The following MARCHF6 variants were observed in gnomAD, a reference collection of about 807,000 sequenced individuals.
The protein encoded by MARCHF6 is membrane associated ring-CH-type finger 6.
In MARCHF6, 31 loss-of-function variants were observed where a neutral mutation model predicts 133.7. That is an observed-to-expected ratio of 0.23 (90% CI 0.17 to 0.31). The LOEUF (loss-of-function observed/expected upper bound fraction) is 0.31. Ranked by LOEUF, MARCHF6 falls within the 10% of genes least tolerant of loss-of-function variation. MARCHF6 has a pLI of 1.00. For synonymous variants in MARCHF6, 395 were observed against 402.5 expected (o/e 0.98, Z 0.22); for missense variants, 723 against 1,121.6 (o/e 0.64, Z 5.08).
At chr5:10,402,344 A>G in intron 12 of MARCHF6, 40 bp from the exon 13 acceptor site, 3 of 1,538,826 alleles carry the variant, frequency 1.9e-6, no homozygotes, top group Non-Finnish European at 2.7e-6. Flanking sequence ...GTTTCATTGT[A>G]CCTTTAAATA....
rs1277075991 is a variant in MARCHF6 at position 10,365,057 on chromosome 5, C to T, written c.19+11140C>T. The stretch of plus-strand genomic sequence containing the variant: ...ACCTCAGTTGATCTACCCACCTCAG[C>T]CTCCCAAAGTGCTGAGATTACAGGT... On this transcript the variant is annotated intron_variant, in intron 1 of 25. Transcript: ENST00000274140. Among the ~76,000 whole-genome samples the T allele has an allele frequency of 2.0e-5, 3 of 152,132 alleles. No individual in the cohort carries two copies. In the East Asian group the frequency reaches 5.8e-4, roughly 29 times the overall value.
intron 1 of MARCHF6, among the ~76,000 whole-genome samples, chr5:10,376,925 C>G (rs186884256): frequency 2.0e-5 from 3 of 152,274 alleles, no homozygotes; most frequent in Non-Finnish European, 4.4e-5. Flanking sequence ...TGCCCATTCT[C>G]CCTCCGATAG....
At chr5:10,392,200 G>A (rs1456196781) in intron 7 of MARCHF6, among the ~76,000 whole-genome samples, 7 of 152,060 alleles carry the variant, frequency 4.6e-5, no homozygotes, top group African/African-American at 1.4e-4. Flanking sequence ...CTTGTGAGCC[G>A]CCCATCTCGG....
chr5:10,426,589 C>G, intron 24 of MARCHF6, 67 bp downstream of exon 24: 2 of 1,528,668 alleles, frequency 1.3e-6, no homozygotes, highest in Non-Finnish European at 1.8e-6. Flanking sequence ...CTCTTTACCC[C>G]TAGTAAAAAG....
chr5:10,397,407 C>G, intron 10 of MARCHF6, 63 bp downstream of exon 10: 2 of 1,177,936 alleles, frequency 1.7e-6, no homozygotes, highest in Non-Finnish European at 2.4e-6. Flanking sequence ...TTTGTAGGAG[C>G]CTTGTTATAG....
In MARCHF6 at chr5:10,426,479, G is replaced by A. The variant is rs149238804; in HGVS notation, c.2463G>A (p.Leu821=). The A allele has an allele frequency of 2.5e-6, 4 of 1,614,012 alleles. No individual in the cohort carries two copies. Among genetic ancestry groups the A allele is most frequent in the African/African-American group, 2.7e-5 (2 of 74,926 alleles). Residue 821 remains leucine, a synonymous_variant, in exon 24 of 26, where the codon CTG becomes CTA. Transcript: ENST00000274140. ...TGATCTCTGTGCTGTTGCTTTCCCT[G>A]TGTGTACCTTATGTCATAGCTTCTG... ...APVISVLLLS[L]CVPYVIASGV...
rs775983865 is a variant in MARCHF6, at chr5:10,400,765, AT to A, written c.914-13del. 7 of 1,601,638 alleles carry A rather than the reference AT, an allele frequency of 4.4e-6. No homozygotes were observed. The highest frequency in any genetic ancestry group is 5.1e-6 in the Non-Finnish European group (6 of 1,169,208). Reference sequence around the variant, plus strand: ...GTTTTGATGTCGGAGTTTTCATGGAATTTTTTCCCCCTTTTTAGCATTTTGC... The same window carrying A: ...GTTTTGATGTCGGAGTTTTCATGGAATTTTTCCCCCTTTTTAGCATTTTGC... On this transcript the variant is annotated intron_variant, in intron 10 of 25. Transcript: ENST00000274140.
chr5:10,358,610 T>A (rs890104865), intron 1 of MARCHF6, among the ~76,000 whole-genome samples: 4 of 152,220 alleles, frequency 2.6e-5, no homozygotes, highest in African/African-American at 9.6e-5. Context: ...CAGTTGACTC[T>A]TGAACAACAT....
rs1434429595 is a variant in MARCHF6 at position 10,439,638 on chromosome 5, C to T, written c.*5954C>T. 1.3e-5 allele frequency: 2 copies of T among 152,176 alleles called. No individual in the cohort carries two copies. The highest frequency in any genetic ancestry group is 2.4e-5 in the African/African-American group (1 of 41,388). 9.4% of individuals were successfully genotyped at this position (152,176 alleles called of 1,614,324 possible). On this transcript the variant is annotated 3_prime_UTR_variant, in exon 26 of 26. Coordinates refer to ENST00000274140, the MANE Select transcript of MARCHF6 (RefSeq NM_005885.4). The stretch of plus-strand genomic sequence containing the variant: ...TCGCTGTTTCTCCTGAGCTTGCTGC[C>T]TCTGCCCCTGCTCTCTCTCCTTTTC...
In MARCHF6 at chr5:10,435,780, G is replaced by C. The variant is rs1453380672; in HGVS notation, c.*2096G>C. On this transcript the variant is annotated 3_prime_UTR_variant, in exon 26 of 26. Transcript: ENST00000274140. ...TGCCCAGGCTGGAGTGCAGTGGCAC[G>C]ATCCTGGTTCACTGCACCCTCTGCC... 1 of 129,254 alleles carries C rather than the reference G, an allele frequency of 7.7e-6. No individual in the cohort carries two copies. Among genetic ancestry groups the C allele is most frequent in the African/African-American group, 2.9e-5 (1 of 34,102 alleles). The allele number at this position is 129,254 out of a possible 1,614,324, so 8.0% of individuals were successfully genotyped here. A position where few individuals can be genotyped will look rare whatever the true frequency, so the allele number is the denominator to read the frequency against.
At chr5:10,397,243 A>C (rs1738246221) in intron 9 of MARCHF6, 50 bp from the exon 10 acceptor site, 1 of 1,336,750 alleles carries the variant, frequency 7.5e-7, no homozygotes, top group African/African-American at 1.5e-5. Flanking sequence ...CCAATTAAAC[A>C]TACATTAAGT....
In MARCHF6 at chr5:10,436,570, TTTTA is replaced by T. The variant is rs1217203942; in HGVS notation, c.*2890_*2893del. On this transcript the variant is annotated 3_prime_UTR_variant, in exon 26 of 26. Coordinates refer to ENST00000274140, the MANE Select transcript of MARCHF6 (RefSeq NM_005885.4). ...TTAACTAGGAAAGAAGACCTTTTTG[TTTTA>T]TTTTTACTATTTATATATAGAAGAC... is the stretch of plus-strand genomic sequence containing the variant. 1 of 152,140 alleles carries T rather than the reference TTTTA, an allele frequency of 6.6e-6. No homozygotes were observed. Among genetic ancestry groups the T allele is most frequent in the Non-Finnish European group, 1.5e-5 (1 of 68,008 alleles). 9.4% of individuals were successfully genotyped at this position (152,140 alleles called of 1,614,324 possible). A position where few individuals can be genotyped will look rare whatever the true frequency, so the allele number is the denominator to read the frequency against.
chr5:10,430,154 A>C, intron 25 of MARCHF6, 126 bp downstream of exon 25: 1 of 1,125,994 alleles, frequency 8.9e-7, no homozygotes, highest in Non-Finnish European at 1.2e-6. Flanking sequence ...TGGGATTAGC[A>C]AGGTTTGCTG....
intron 2 of MARCHF6, among the ~76,000 whole-genome samples, chr5:10,378,383 T>G (rs78563300): frequency 0.053 from 8,012 of 152,210 alleles, 709 homozygotes; most frequent in African/African-American, 0.18. Context: ...AACTTGTCCT[T>G]GGCCACATAG....
chr5:10,372,356 AAT>A (rs1437381485), intron 1 of MARCHF6, among the ~76,000 whole-genome samples: 4 of 152,214 alleles, frequency 2.6e-5, no homozygotes, highest in Non-Finnish European at 5.9e-5. Flanking sequence ...AGTTTTATAA[AAT>A]ATGTTTTGAT....
At chr5:10,376,245 C>A (rs373741438) in intron 1 of MARCHF6, among the ~76,000 whole-genome samples, 1 of 152,180 alleles carries the variant, frequency 6.6e-6, no homozygotes, top group Non-Finnish European at 1.5e-5. Flanking sequence ...TCTGCAGTTT[C>A]TCTCCTGAAG....
chr5:10,375,718 C>T (rs1442564016), intron 1 of MARCHF6, among the ~76,000 whole-genome samples: 2 of 152,346 alleles, frequency 1.3e-5, no homozygotes, highest in East Asian at 1.9e-4. Flanking sequence ...TTTGTGAGTG[C>T]ACCAGTTGAC....
At chr5:10,389,930 GT>G (rs932988963) in intron 5 of MARCHF6, among the ~76,000 whole-genome samples, 1 of 152,180 alleles carries the variant, frequency 6.6e-6, no homozygotes, top group Non-Finnish European at 1.5e-5. Context: ...GTTGGACAGA[GT>G]TTTTAACCTT....
chr5:10,417,703 T>C (rs1206200859), intron 22 of MARCHF6, among the ~76,000 whole-genome samples: 1 of 93,518 alleles, frequency 1.1e-5, no homozygotes, highest in Non-Finnish European at 2.0e-5. Context: ...GGCAACAGAG[T>C]AAGAGCCTCT....
Sources: gnomAD v4.1 joint callset for allele counts (sites outside exome capture counted in the v4.1 genomes callset) on GRCh38, gnomAD v4.1.1 for gene constraint, MANE v1.5 for transcripts, NCBI Gene and HGNC (gene_info 2026-07-23, HGNC 2026-07-21) for gene names.